Variants in CHST12 observed in about 807,000 individuals in gnomAD.
CHST12 encodes the protein carbohydrate (chondroitin 4) sulfotransferase 12.
In CHST12, 23 loss-of-function variants were observed where a neutral mutation model predicts 27.9. The observed-to-expected ratio is 0.82, with a 90% CI of 0.59 to 1.17. CHST12 has a LOEUF of 1.17. Among genes scored for constraint, CHST12 ranks in the 50% most tolerant of loss-of-function variants. The pLI is 0.00. For missense variants in CHST12, 682 were observed against 603.0 expected (o/e 1.13, Z -1.37); for synonymous variants, 322 against 273.0 (o/e 1.18, Z -1.77).
In CHST12 at chr7:2,437,039, C is replaced by T. The variant is rs1385805020; in HGVS notation, c.*3155C>T. 1 of 152,270 alleles carries T rather than the reference C, an allele frequency of 6.6e-6. No homozygotes were observed. Among genetic ancestry groups the T allele is most frequent in the African/African-American group, 2.4e-5 (1 of 41,468 alleles). 9.4% of individuals were successfully genotyped at this position (152,270 alleles called of 1,614,324 possible). A position where few individuals can be genotyped will look rare whatever the true frequency, so the allele number is the denominator to read the frequency against. On this transcript the variant is annotated 3_prime_UTR_variant, in exon 2 of 2. Coordinates refer to ENST00000618655, the MANE Select transcript of CHST12 (RefSeq NM_018641.5). ...TGTTTGCCTGATGCGCAGCACCACA[C>T]TGCGTAGAGACCTTTGGCTCTGGTT...
chr7:2,420,960 G>T (rs990516250), intron 1 of CHST12, among the ~76,000 whole-genome samples: 1 of 152,144 alleles, frequency 6.6e-6, no homozygotes, highest in Non-Finnish European at 1.5e-5. Flanking sequence ...TGCCTCCTGG[G>T]TTCAAGCAAT....
rs1348966346 is a variant in CHST12, at chr7:2,437,021, C to T, written c.*3137C>T. ...CCCACTTTGATTCTTCGCTGTTTGC[C>T]TGATGCGCAGCACCACACTGCGTAG... On this transcript the variant is annotated 3_prime_UTR_variant, in exon 2 of 2. Coordinates refer to ENST00000618655, the MANE Select transcript of CHST12 (RefSeq NM_018641.5). 6.6e-6 allele frequency: 1 copy of T among 152,278 alleles called. No individual in the cohort carries two copies. The highest frequency in any genetic ancestry group is 1.5e-5 in the Non-Finnish European group (1 of 68,054). 9.4% of individuals were successfully genotyped at this position (152,278 alleles called of 1,614,324 possible).
intron 1 of CHST12, among the ~76,000 whole-genome samples, chr7:2,417,099 G>T (rs147455678): frequency 1.3e-5 from 2 of 152,280 alleles, no homozygotes; most frequent in Non-Finnish European, 2.9e-5. Context: ...CACAATTACG[G>T]AGGCTGAGAA....
chr7:2,440,991 C>T lies in CHST12; in HGVS notation c.*7107C>T, dbSNP rs1025939728. On this transcript the variant is annotated 3_prime_UTR_variant, in exon 2 of 2. Coordinates refer to ENST00000618655, the MANE Select transcript of CHST12 (RefSeq NM_018641.5). ...GCACCATCCTTGCTTAGGAGAGACA[C>T]GGCTGTGGCTCTCAGGCTGTGGGGC... 31 of 152,170 alleles carry T rather than the reference C, an allele frequency of 2.0e-4. No homozygotes were observed. Among genetic ancestry groups the T allele is most frequent in the African/African-American group, 1.4e-4 (6 of 41,438 alleles). 9.4% of individuals were successfully genotyped at this position (152,170 alleles called of 1,614,324 possible). A position where few individuals can be genotyped will look rare whatever the true frequency, so the allele number is the denominator to read the frequency against.
intron 1 of CHST12, among the ~76,000 whole-genome samples, chr7:2,431,835 T>G (rs1408485303): frequency 2.0e-5 from 3 of 152,000 alleles, no homozygotes; most frequent in Non-Finnish European, 4.4e-5. Context: ...CCAAAACAAT[T>G]TTCCTGTTGT....
chr7:2,441,154 A>T lies in CHST12; in HGVS notation c.*7270A>T, dbSNP rs1782595412. On this transcript the variant is annotated 3_prime_UTR_variant, in exon 2 of 2. Coordinates refer to ENST00000618655, the MANE Select transcript of CHST12 (RefSeq NM_018641.5). ...GGGCCCGAGGGAAGAGCAGAGCAAG[A>T]GGGAGGAGCGCGTGGAGCCCTATGT... 1 of 152,316 alleles carries T rather than the reference A, an allele frequency of 6.6e-6. No individual in the cohort carries two copies. Among genetic ancestry groups the T allele is most frequent in the African/African-American group, 2.4e-5 (1 of 41,432 alleles). 9.4% of individuals were successfully genotyped at this position (152,316 alleles called of 1,614,324 possible).
At chr7:2,415,365 CAA>C (rs35199658) in intron 1 of CHST12, among the ~76,000 whole-genome samples, 2 of 132,082 alleles carry the variant, frequency 1.5e-5, no homozygotes, top group Non-Finnish European at 1.6e-5. Flanking sequence ...AACTCTGCCT[CAA>C]AAAAAAAAAA....
chr7:2,432,496 A>G, intron 1 of CHST12, 67 bp from the exon 2 acceptor site: 2 of 961,578 alleles, frequency 2.1e-6, no homozygotes, highest in Non-Finnish European at 3.0e-6. Flanking sequence ...TCCCCCACTG[A>G]TCAGAAGGCA....
chr7:2,433,030 T>A lies in CHST12; in HGVS notation c.391T>A (p.Phe131Ile). ...QAERRSVLRG[F>I]CANSSLAFPT... is the part of the protein sequence containing the mutation. ...GGAGCGGAGGAGCGTGCTGCGGGGC[T>A]TCTGCGCCAACTCCAGCCTGGCCTT... Residue 131 changes from phenylalanine (F) to isoleucine (I), a missense_variant, in exon 2 of 2, where the codon TTC becomes ATC. Physicochemically the swap from Phe to Ile is conservative, Grantham distance 21 (BLOSUM62 0). Coordinates refer to ENST00000618655, the MANE Select transcript of CHST12 (RefSeq NM_018641.5). This position sits in a 1 kb window ranked among gnomAD's most constrained non-coding sequence, Gnocchi z 6.1. 1 of 1,611,390 alleles carries A rather than the reference T, an allele frequency of 6.2e-7. No individual in the cohort carries two copies. Among genetic ancestry groups the A allele is most frequent in the Non-Finnish European group, 8.5e-7 (1 of 1,179,498 alleles).
intron 1 of CHST12, among the ~76,000 whole-genome samples, chr7:2,426,168 G>A (rs1782112906): frequency 6.6e-6 from 1 of 152,158 alleles, no homozygotes; most frequent in African/African-American, 2.4e-5. Context: ...TTCTGTAAAG[G>A]AACCAACGTC....
intron 1 of CHST12, among the ~76,000 whole-genome samples, chr7:2,429,933 C>T (rs1782231292): frequency 6.6e-6 from 1 of 152,052 alleles, no homozygotes; most frequent in Admixed American, 6.6e-5. Flanking sequence ...CAGGTGCATG[C>T]CACCATGCAC....
chr7:2,430,835 G>A (rs531673258), intron 1 of CHST12, among the ~76,000 whole-genome samples: 2 of 152,208 alleles, frequency 1.3e-5, no homozygotes, highest in Non-Finnish European at 2.9e-5. Context: ...TGATCCACCC[G>A]CCTTGGCCAC....
Position 2,433,909 on chromosome 7 carries a change from C to T in CHST12, c.*25C>T. Reference sequence around the variant, plus strand: ...AAAGCTTTCGCGTTGCTTTTTCTCGCGTGCCTGGAACCTGACGCACGCGCA... The same window carrying T: ...AAAGCTTTCGCGTTGCTTTTTCTCGTGTGCCTGGAACCTGACGCACGCGCA... On this transcript the variant is annotated 3_prime_UTR_variant, in exon 2 of 2. Transcript: ENST00000618655. The surrounding 1 kb of genome is among the most constrained non-coding windows in gnomAD (Gnocchi z 6.1). 4 of 1,539,472 alleles carry T rather than the reference C, an allele frequency of 2.6e-6. No homozygotes were observed. Among genetic ancestry groups the T allele is most frequent in the South Asian group, 1.2e-5 (1 of 81,984 alleles).
intron 1 of CHST12, among the ~76,000 whole-genome samples, chr7:2,425,611 AGGCCCACACGCGGGACAGGTGCAGGG>A (rs1782095447): frequency 6.6e-6 from 1 of 151,976 alleles, no homozygotes; most frequent in African/African-American, 2.4e-5. Context: ...GTCACCTGTA[AGGCCCACACGCGGGACAGGTGCAGGG>A]GGCCCACATC....
chr7:2,427,362 C>T (rs1009557456), intron 1 of CHST12, among the ~76,000 whole-genome samples: 1 of 151,824 alleles, frequency 6.6e-6, no homozygotes, highest in African/African-American at 2.4e-5. Context: ...TTAGCCCGGC[C>T]CAGTGGTGTG....
chr7:2,424,974 G>C (rs896410479), intron 1 of CHST12, among the ~76,000 whole-genome samples: 8 of 152,146 alleles, frequency 5.3e-5, no homozygotes, highest in Admixed American at 3.9e-4. Context: ...GGGAGGCCGA[G>C]GTGGGCAGAT....
At position 2,447,542 on chromosome 7, in the gene CHST12, A is replaced by T. The variant is rs1250346303; in HGVS notation, c.*13658A>T. 6.6e-6 allele frequency: 1 copy of T among 152,156 alleles called. No homozygotes were observed. The highest frequency in any genetic ancestry group is 2.4e-5 in the African/African-American group (1 of 41,388). 9.4% of individuals were successfully genotyped at this position (152,156 alleles called of 1,614,324 possible). ...GGCTGGAGTGCAGTGGCACAATCTT[A>T]GCTCACTGCAACCTCCACCTCCCAG... On this transcript the variant is annotated 3_prime_UTR_variant, in exon 2 of 2. Coordinates refer to ENST00000618655, the MANE Select transcript of CHST12 (RefSeq NM_018641.5).
chr7:2,421,227 C>CTTTTTTTTTTTTTTTTT (rs60332594), intron 1 of CHST12, among the ~76,000 whole-genome samples: 1 of 92,016 alleles, frequency 1.1e-5, no homozygotes, highest in Non-Finnish European at 2.0e-5. Context: ...CCTGCTAATT[C>CTTTTTTTTTTTTTTTTT]TTTTTTTTTT....
In CHST12 at chr7:2,439,156, C is replaced by T. The variant is rs946448504; in HGVS notation, c.*5272C>T. On this transcript the variant is annotated 3_prime_UTR_variant, in exon 2 of 2. Coordinates refer to ENST00000618655, the MANE Select transcript of CHST12 (RefSeq NM_018641.5). The stretch of plus-strand genomic sequence containing the variant: ...TTCACATACAGGATCTAGACTCGCA[C>T]ACAACTGCATTAATATGTTGGTGTT... 1.3e-5 allele frequency: 2 copies of T among 152,162 alleles called. No individual in the cohort carries two copies. The highest frequency in any genetic ancestry group is 4.8e-5 in the African/African-American group (2 of 41,444). The allele number at this position is 152,162 out of a possible 1,614,324, so 9.4% of individuals were successfully genotyped here. A position where few individuals can be genotyped will look rare whatever the true frequency, so the allele number is the denominator to read the frequency against.
Sources: allele counts gnomAD v4.1 joint callset (sites outside exome capture counted in the v4.1 genomes callset), GRCh38; gene constraint gnomAD v4.1.1; non-coding constraint Gnocchi (gnomAD v3.1); transcripts MANE v1.5; gene names NCBI Gene and HGNC (gene_info 2026-07-23, HGNC 2026-07-21).